The following FREM2 variants were observed in gnomAD, a reference collection of about 807,000 sequenced individuals.
The protein encoded by FREM2 is FRAS1 related extracellular matrix 2.
FREM2 carries 119 observed loss-of-function variants against 219.9 expected under a neutral mutation model. The ratio of observed to expected loss-of-function variants is 0.54; its 90% CI spans 0.47 to 0.63. FREM2 has a LOEUF of 0.63. Among genes scored for constraint, FREM2 ranks in the 30% least tolerant of loss-of-function variants. FREM2 has a pLI of 0.00. For missense variants in FREM2, 4,030 were observed against 3,993.6 expected (o/e 1.01, Z -0.25); for synonymous variants, 1,562 against 1,522.8 (o/e 1.03, Z -0.60).
Position 38,772,267 on chromosome 13 carries a change from A to G in FREM2, c.5641+2459A>G, listed in dbSNP as rs1460017974. On this transcript the variant is annotated intron_variant, in intron 4 of 23. Coordinates refer to ENST00000280481, the MANE Select transcript of FREM2 (RefSeq NM_207361.6). ...ATATTGGGAATGCAAAGATAATAGC[A>G]TAGAATCTCTGCTGTCAAAGACCAC... Among the ~76,000 whole-genome samples the G allele has an allele frequency of 3.3e-5, 5 of 152,210 alleles. No individual in the cohort carries two copies. In the East Asian group the frequency reaches 9.6e-4, roughly 29 times the overall value.
chr13:38,841,654 A>C (rs569987658), intron 6 of FREM2, among the ~76,000 whole-genome samples: 1 of 152,222 alleles, frequency 6.6e-6, no homozygotes, highest in South Asian at 2.1e-4. Flanking sequence ...AGCCTTGCAA[A>C]GTCCTTTTAC....
intron 18 of FREM2, 79 bp from the exon 19 acceptor site, chr13:38,875,943 A>G: frequency 7.6e-7 from 1 of 1,309,616 alleles, no homozygotes; most frequent in Admixed American, 1.7e-5. Context: ...ATGATCATTT[A>G]TTTTGAAAAC....
intron 11 of FREM2, among the ~76,000 whole-genome samples, chr13:38,854,705 T>A (rs954450579): frequency 1.3e-5 from 2 of 152,042 alleles, no homozygotes; most frequent in East Asian, 1.9e-4. Flanking sequence ...TGAAGGCTGA[T>A]AGGAATAGTT....
At chr13:38,743,366 T>C (rs756642308) in intron 2 of FREM2, among the ~76,000 whole-genome samples, 1 of 151,900 alleles carries the variant, frequency 6.6e-6, no homozygotes, top group African/African-American at 2.4e-5. Context: ...AGATTTCTTA[T>C]ATTTGCCTCA....
intron 2 of FREM2, among the ~76,000 whole-genome samples, chr13:38,752,073 C>A (rs772627769): frequency 6.6e-6 from 1 of 152,166 alleles, no homozygotes. Context: ...AAGCTAGCTT[C>A]GCAAAACTAA....
intron 2 of FREM2, among the ~76,000 whole-genome samples, chr13:38,762,543 G>T (rs1051758822): frequency 6.6e-6 from 1 of 151,916 alleles, no homozygotes; most frequent in Non-Finnish European, 1.5e-5. Context: ...GGGTACAAGC[G>T]ATTCTCCTGC....
intron 2 of FREM2, among the ~76,000 whole-genome samples, chr13:38,741,345 A>C (rs987672273): frequency 6.6e-6 from 1 of 152,192 alleles, no homozygotes; most frequent in Non-Finnish European, 1.5e-5. Context: ...CTCTCTTAAC[A>C]TATTTTCAAA....
chr13:38,850,375 A>G (rs559597770), intron 9 of FREM2, 140 bp downstream of exon 9: 8 of 739,806 alleles, frequency 1.1e-5, no homozygotes, highest in Non-Finnish European at 1.9e-5. Context: ...AGGAAAGTGA[A>G]ATCGATTTTT....
chr13:38,718,940 A>C (rs941775657), intron 2 of FREM2, among the ~76,000 whole-genome samples: 1 of 152,208 alleles, frequency 6.6e-6, no homozygotes, highest in Non-Finnish European at 1.5e-5. Flanking sequence ...TTGAGTCTCA[A>C]AGAATTAAAT....
chr13:38,744,331 C>G (rs957348791), intron 2 of FREM2, among the ~76,000 whole-genome samples: 1 of 151,330 alleles, frequency 6.6e-6, no homozygotes, highest in Non-Finnish European at 1.5e-5. Context: ...CTGCCTCAGC[C>G]TCCCTAGTAG....
chr13:38,814,106 G>T (rs1300949181), intron 6 of FREM2, among the ~76,000 whole-genome samples: 24 of 151,914 alleles, frequency 1.6e-4, no homozygotes. Flanking sequence ...TCTCTGTGTT[G>T]TCTTAAATTT....
intron 2 of FREM2, among the ~76,000 whole-genome samples, chr13:38,706,780 C>T (rs1870557573): frequency 6.6e-6 from 1 of 152,104 alleles, no homozygotes; most frequent in African/African-American, 2.4e-5. Context: ...AAACTTCCTA[C>T]CTGATAAGTA....
At chr13:38,710,132 C>A (rs977346991) in intron 2 of FREM2, among the ~76,000 whole-genome samples, 1 of 151,520 alleles carries the variant, frequency 6.6e-6, no homozygotes, top group Non-Finnish European at 1.5e-5. Context: ...TGCAGTGAGC[C>A]GAGATTGCGC....
At chr13:38,704,796 A>G (rs911965996) in intron 2 of FREM2, among the ~76,000 whole-genome samples, 4 of 152,194 alleles carry the variant, frequency 2.6e-5, no homozygotes, top group Non-Finnish European at 5.9e-5. Context: ...GGCCTCAGGA[A>G]ACTTACAATC....
intron 10 of FREM2, 41 bp downstream of exon 10, chr13:38,851,149 A>G: frequency 6.2e-7 from 1 of 1,601,352 alleles, no homozygotes; most frequent in South Asian, 1.1e-5. Context: ...TAAATTAGAA[A>G]CTAAAATCCA....
At chr13:38,823,069 C>A (rs1876130185) in intron 6 of FREM2, among the ~76,000 whole-genome samples, 1 of 152,064 alleles carries the variant, frequency 6.6e-6, no homozygotes, top group Non-Finnish European at 1.5e-5. Context: ...TTAGTCCTTG[C>A]CCTACCCTGT....
rs368974586 is a variant in FREM2 at position 38,687,312 on chromosome 13, A to G, written c.-33A>G. On this transcript the variant is annotated 5_prime_UTR_variant, in exon 1 of 24. Transcript: ENST00000280481. Reference sequence around the variant, plus strand: ...CCGGGGACCGACTTCGCATGCTCTCAGGCTGACCTGTCCAAGCCCGAACAC... The same window carrying G: ...CCGGGGACCGACTTCGCATGCTCTCGGGCTGACCTGTCCAAGCCCGAACAC... 9.5e-5 allele frequency: 149 copies of G among 1,574,346 alleles called. No homozygotes were observed. The highest frequency in any genetic ancestry group is 1.3e-4 in the Non-Finnish European group (145 of 1,159,840).
chr13:38,876,185 C>T, intron 19 of FREM2, 36 bp downstream of exon 19: 1 of 1,614,032 alleles, frequency 6.2e-7, no homozygotes, highest in Non-Finnish European at 8.5e-7. Context: ...TTTTCTTCTG[C>T]TGCTGCCATC....
At chr13:38,802,646 G>A (rs558899024) in intron 6 of FREM2, among the ~76,000 whole-genome samples, 46 of 152,298 alleles carry the variant, frequency 3.0e-4, no homozygotes, top group African/African-American at 1.1e-3. Context: ...AGCAGCAGTG[G>A]CAGCATCAGC....
Sources: allele counts gnomAD v4.1 joint callset (sites outside exome capture counted in the v4.1 genomes callset), GRCh38; gene constraint gnomAD v4.1.1; transcripts MANE v1.5; gene names NCBI Gene and HGNC (gene_info 2026-07-23, HGNC 2026-07-21).